SMCO2: variants seen among roughly 807,000 people sequenced by gnomAD.
SMCO2 encodes single-pass membrane protein with coiled-coil domains 2.
In SMCO2, 25 loss-of-function variants were observed where a neutral mutation model predicts 29.5. The observed-to-expected ratio is 0.85, with a 90% CI of 0.62 to 1.18. The LOEUF is 1.18. Among genes scored for constraint, SMCO2 ranks in the 50% most tolerant of loss-of-function variants. The probability of loss-of-function intolerance (pLI) is 0.00; values close to 1 mark genes in which losing one functional copy is unlikely to be tolerated. For missense variants in SMCO2, 348 were observed against 344.5 expected, an observed-to-expected ratio of 1.01 and a Z score of -0.08; for synonymous variants, 117 against 123.3, an observed-to-expected ratio of 0.95 and a Z score of 0.34.
intron 5 of SMCO2, among the ~76,000 whole-genome samples, chr12:27,493,291 C>T (rs1055730032): frequency 1.3e-5 from 2 of 151,962 alleles, no homozygotes; most frequent in Non-Finnish European, 2.9e-5. Flanking sequence ...CATAAGTTTA[C>T]CTGTGTGACA....
chr12:27,458,106 G>A, the SMCO2 span, among the ~76,000 whole-genome samples: 1 of 152,054 alleles, frequency 6.6e-6, no homozygotes. Flanking sequence ...AAATTAATAT[G>A]CAGTTATTTA....
the SMCO2 span, among the ~76,000 whole-genome samples, chr12:27,441,056 G>C: frequency 3.9e-5 from 6 of 151,952 alleles, no homozygotes; most frequent in Admixed American, 2.6e-4. Flanking sequence ...TCAGGAGTTC[G>C]AGACCAGCCT....
At chr12:27,467,701 G>A (rs1031004890) in intron 1 of SMCO2, among the ~76,000 whole-genome samples, 1 of 152,092 alleles carries the variant, frequency 6.6e-6, no homozygotes, top group African/African-American at 2.4e-5. Context: ...AAAACTTATA[G>A]TCAGAATTTG....
chr12:27,498,207 C>G lies in SMCO2; in HGVS notation c.683+2352C>G. 6 of 327,290 alleles carry G rather than the reference C, an allele frequency of 1.8e-5. 1 individual carries two copies. In the South Asian group the frequency reaches 2.2e-4, roughly 12 times the overall value. The allele number at this position is 327,290 out of a possible 1,614,324, so 20.3% of individuals were successfully genotyped here. On this transcript the variant is annotated intron_variant, in intron 7 of 7. Transcript: ENST00000298876. ...CTAGATGACAGAGGAAATACAGCTG[C>G]TTACTTTTTGTGTGGTTTCACTAGA...
At chr12:27,423,788 G>A in the SMCO2 span, 1 of 152,172 alleles carries the variant, frequency 6.6e-6, no homozygotes, top group Non-Finnish European at 1.5e-5. Context: ...TTTTTAAAAG[G>A]AGGTTTGATC....
the SMCO2 span, among the ~76,000 whole-genome samples, chr12:27,459,186 CAAAAA>C: frequency 6.1e-4 from 58 of 94,698 alleles, no homozygotes; most frequent in African/African-American, 1.9e-3. Flanking sequence ...GACTCCATCT[CAAAAA>C]AAAAAAAAAA....
exon 8 of SMCO2, chr12:27,502,028 T>C: frequency 6.5e-7 from 1 of 1,548,344 alleles, no homozygotes. Flanking sequence ...AAAGGGTGCT[T>C]CTGAGAATGC....
chr12:27,471,977 A>G (rs1457214268), intron 2 of SMCO2, among the ~76,000 whole-genome samples: 4 of 152,186 alleles, frequency 2.6e-5, no homozygotes, highest in African/African-American at 7.2e-5. Flanking sequence ...CCACATATAG[A>G]TGTGTAAGGA....
chr12:27,456,275 A>C, the SMCO2 span, among the ~76,000 whole-genome samples: 2 of 152,274 alleles, frequency 1.3e-5, no homozygotes, highest in African/African-American at 4.8e-5. Flanking sequence ...ATGTATATAG[A>C]TATGCATCAA....
chr12:27,439,248 G>A, the SMCO2 span, among the ~76,000 whole-genome samples: 2 of 152,238 alleles, frequency 1.3e-5, no homozygotes, highest in Admixed American at 1.3e-4. Flanking sequence ...TGTTCCCCAG[G>A]ACCCCTGGGC....
chr12:27,493,348 GAGAA>G (rs756661071), intron 5 of SMCO2, among the ~76,000 whole-genome samples: 1 of 151,722 alleles, frequency 6.6e-6, no homozygotes, highest in Admixed American at 6.6e-5. Flanking sequence ...TAAAAAAAAA[GAGAA>G]AGAAACCTCA....
upstream of SMCO2, among the ~76,000 whole-genome samples, chr12:27,464,716 C>CGA (rs1949484058): frequency 4.3e-5 from 2 of 46,134 alleles, no homozygotes; most frequent in Non-Finnish European, 4.1e-5. Context: ...GACCCTGTCT[C>CGA]AAAAAAAAAA....
At chr12:27,475,469 G>C in intron 4 of SMCO2, 113 bp from the exon 5 acceptor site, 1 of 1,191,294 alleles carries the variant, frequency 8.4e-7, no homozygotes, top group Non-Finnish European at 1.1e-6. Flanking sequence ...GCCCATTTTG[G>C]TGACAAGGAA....
chr12:27,437,079 A>G, the SMCO2 span, among the ~76,000 whole-genome samples: 1 of 152,308 alleles, frequency 6.6e-6, no homozygotes, highest in Non-Finnish European at 1.5e-5. Context: ...AAAAAGAAAC[A>G]TATATATGAT....
the SMCO2 span, chr12:27,423,347 T>C: frequency 9.5e-6 from 1 of 105,758 alleles, no homozygotes; most frequent in Non-Finnish European, 2.0e-5. Context: ...TTTTTTTTTT[T>C]GAGATGGAGT....
chr12:27,440,112 A>T, the SMCO2 span, among the ~76,000 whole-genome samples: 2 of 152,208 alleles, frequency 1.3e-5, no homozygotes, highest in Non-Finnish European at 2.9e-5. Flanking sequence ...GATAAGAAGC[A>T]AATAATATAT....
At chr12:27,494,437 A>G in intron 6 of SMCO2, 81 bp downstream of exon 7, 1 of 796,310 alleles carries the variant, frequency 1.3e-6, no homozygotes. Context: ...CATTGCCTAG[A>G]ATATGACGGT....
the SMCO2 span, among the ~76,000 whole-genome samples, chr12:27,440,494 A>T: frequency 2.0e-5 from 3 of 152,212 alleles, no homozygotes; most frequent in Non-Finnish European, 4.4e-5. Context: ...GTCCACTTAT[A>T]ACTCTAGAAT....
At chr12:27,476,292 C>G (rs1949585732) in intron 4 of SMCO2, among the ~76,000 whole-genome samples, 1 of 152,134 alleles carries the variant, frequency 6.6e-6, no homozygotes, top group African/African-American at 2.4e-5. Flanking sequence ...TGGTCTATCC[C>G]AGAGAATGTT....
Sources: allele counts gnomAD v4.1 joint callset (sites outside exome capture counted in the v4.1 genomes callset), GRCh38; gene constraint gnomAD v4.1.1; transcripts MANE v1.5; gene names NCBI Gene and HGNC (gene_info 2026-07-23, HGNC 2026-07-21).